The following CSMD1 variants were observed in gnomAD, a reference collection of about 807,000 sequenced individuals.
CSMD1 encodes CUB and sushi domain-containing protein 1.
In CSMD1, 213 loss-of-function variants were observed where a neutral mutation model predicts 417.5. The ratio of observed to expected loss-of-function variants is 0.51; its 90% CI spans 0.46 to 0.57. The LOEUF is 0.57. Ranked by LOEUF, CSMD1 falls within the 20% of genes least tolerant of loss-of-function variation. The pLI is 0.00. For missense variants in CSMD1, 6,923 were observed against 4,529.7 expected (o/e 1.53, Z -15.17); for synonymous variants, 2,862 against 1,736.8 (o/e 1.65, Z -16.11).
chr8:4,141,772 C>A (rs1172317987), intron 3 of CSMD1, among the ~76,000 whole-genome samples: 2 of 151,068 alleles, frequency 1.3e-5, no homozygotes, highest in Non-Finnish European at 2.9e-5. Context: ...CGACAATACA[C>A]AGAAGTGAAA....
chr8:3,052,018 G>A (rs912093032), intron 50 of CSMD1, among the ~76,000 whole-genome samples: 3 of 152,150 alleles, frequency 2.0e-5, no homozygotes, highest in Non-Finnish European at 2.9e-5. Context: ...TGCAGAGCAG[G>A]TGATACACAA....
chr8:3,748,105 C>T (rs748852636), intron 6 of CSMD1, among the ~76,000 whole-genome samples: 6 of 152,274 alleles, frequency 3.9e-5, no homozygotes, highest in South Asian at 4.1e-4. Flanking sequence ...TCGCTTGGAA[C>T]CCATAGATGG....
chr8:3,239,300 T>C (rs1799347537), intron 26 of CSMD1, among the ~76,000 whole-genome samples: 1 of 152,240 alleles, frequency 6.6e-6, no homozygotes, highest in East Asian at 1.9e-4. Context: ...GCTATTGGAC[T>C]GTATAGAGGT....
At chr8:3,791,822 CAAA>C (rs1799758653) in intron 5 of CSMD1, among the ~76,000 whole-genome samples, 1 of 135,680 alleles carries the variant, frequency 7.4e-6, no homozygotes, top group Non-Finnish European at 1.5e-5. Context: ...GACTCAGTAT[CAAA>C]TAATAATAAT....
chr8:4,522,128 T>C (rs1305662110), intron 2 of CSMD1, among the ~76,000 whole-genome samples: 1 of 152,098 alleles, frequency 6.6e-6, no homozygotes, highest in African/African-American at 2.4e-5. Flanking sequence ...GGGGAGGTGA[T>C]TGAACTATGG....
At chr8:3,643,700 C>CAAAAAAAAAAAAAAAAA (rs66500235) in intron 7 of CSMD1, among the ~76,000 whole-genome samples, 78 of 85,322 alleles carry the variant, frequency 9.1e-4, no homozygotes, top group African/African-American at 3.5e-3. Context: ...GACTCCGTCT[C>CAAAAAAAAAAAAAAAAA]AAAAAAAAAA....
At chr8:3,032,954 T>C (rs1379697707) in intron 50 of CSMD1, among the ~76,000 whole-genome samples, 1 of 152,122 alleles carries the variant, frequency 6.6e-6, no homozygotes, top group Non-Finnish European at 1.5e-5. Context: ...ATGGTAAAAG[T>C]GCCATTAAAT....
At chr8:3,315,887 T>C (rs1805719804) in intron 23 of CSMD1, among the ~76,000 whole-genome samples, 3 of 152,230 alleles carry the variant, frequency 2.0e-5, no homozygotes, top group Admixed American at 1.3e-4. Flanking sequence ...TAATTTTAAA[T>C]ACATTACATT....
intron 3 of CSMD1, among the ~76,000 whole-genome samples, chr8:4,197,643 C>T (rs914975726): frequency 2.0e-5 from 3 of 152,140 alleles, no homozygotes; most frequent in Non-Finnish European, 4.4e-5. Flanking sequence ...TTTTGGGAGG[C>T]CGAGGCAGGT....
intron 17 of CSMD1, among the ~76,000 whole-genome samples, chr8:3,390,506 C>G (rs1281947805): frequency 2.0e-5 from 3 of 151,970 alleles, no homozygotes; most frequent in South Asian, 2.1e-4. Flanking sequence ...ACCTTCTTTC[C>G]CATTCTGTCT....
At chr8:3,590,976 C>A (rs1403348217) in intron 8 of CSMD1, among the ~76,000 whole-genome samples, 1 of 152,094 alleles carries the variant, frequency 6.6e-6, no homozygotes, top group Non-Finnish European at 1.5e-5. Flanking sequence ...TCAGATATAA[C>A]ATCAGATAAT....
chr8:3,653,312 TTTG>T (rs747011548), intron 7 of CSMD1, among the ~76,000 whole-genome samples: 5 of 152,034 alleles, frequency 3.3e-5, no homozygotes, highest in African/African-American at 7.2e-5. Context: ...TGGGGGTTCT[TTTG>T]TTGTTGTTGT....
chr8:3,571,859 A>G (rs1486239210), intron 10 of CSMD1, among the ~76,000 whole-genome samples: 1 of 151,992 alleles, frequency 6.6e-6, no homozygotes, highest in Non-Finnish European at 1.5e-5. Context: ...TCTGCGTCTC[A>G]CGTCTCCTTC....
intron 3 of CSMD1, among the ~76,000 whole-genome samples, chr8:4,253,888 G>A (rs1396027557): frequency 4.2e-5 from 6 of 143,014 alleles, no homozygotes; most frequent in African/African-American, 2.6e-5. Flanking sequence ...GAGACACTAC[G>A]TTCGTTATTT....
chr8:3,107,601 T>TGTTTTG, intron 45 of CSMD1, 117 bp downstream of exon 45: 1 of 508,998 alleles, frequency 2.0e-6, no homozygotes, highest in Non-Finnish European at 3.2e-6. Flanking sequence ...TCTTTGTTTC[T>TGTTTTG]GTTTTTGTTT....
At chr8:4,281,485 A>C (rs1272790122) in intron 3 of CSMD1, among the ~76,000 whole-genome samples, 1 of 152,220 alleles carries the variant, frequency 6.6e-6, no homozygotes, top group African/African-American at 2.4e-5. Context: ...CTTCTGTTTC[A>C]AATTTCTGAA....
At chr8:4,610,868 G>A (rs552838818) in intron 2 of CSMD1, among the ~76,000 whole-genome samples, 10 of 152,074 alleles carry the variant, frequency 6.6e-5, no homozygotes, top group South Asian at 2.1e-4. Flanking sequence ...ATACGATTTC[G>A]TTTTTGAATC....
intron 3 of CSMD1, among the ~76,000 whole-genome samples, chr8:4,342,961 G>A (rs1411022571): frequency 1.3e-5 from 2 of 152,080 alleles, no homozygotes; most frequent in Admixed American, 1.3e-4. Context: ...ACTCTGACAG[G>A]TAGATGTCAG....
At chr8:3,504,962 T>C (rs957584801) in intron 10 of CSMD1, among the ~76,000 whole-genome samples, 4 of 151,656 alleles carry the variant, frequency 2.6e-5, no homozygotes, top group African/African-American at 9.7e-5. Context: ...ACAACAAAGA[T>C]TAACCAGTGC....
Sources: allele counts gnomAD v4.1 joint callset (sites outside exome capture counted in the v4.1 genomes callset), GRCh38; gene constraint gnomAD v4.1.1; transcripts MANE v1.5; gene names NCBI Gene and HGNC (gene_info 2026-07-23, HGNC 2026-07-21).